The following LRP1B variants were observed in gnomAD, a reference collection of about 807,000 sequenced individuals.
LRP1B encodes the protein low-density lipoprotein receptor-related protein 1B.
In LRP1B, 217 loss-of-function variants were observed where a neutral mutation model predicts 556.6. The observed-to-expected ratio is 0.39, with a 90% CI of 0.35 to 0.44. The LOEUF is 0.44. Ranked by LOEUF, LRP1B falls within the 20% of genes least tolerant of loss-of-function variation. The pLI is 1.00. For synonymous variants in LRP1B, 2,047 were observed against 1,865.8 expected (o/e 1.10, Z -2.50); for missense variants, 5,053 against 5,620.8 (o/e 0.90, Z 3.23).
At chr2:142,125,593 G>A (rs1707612292) in intron 1 of LRP1B, among the ~76,000 whole-genome samples, 1 of 151,692 alleles carries the variant, frequency 6.6e-6, no homozygotes, top group African/African-American at 2.4e-5. Context: ...AAACTAATAA[G>A]TTTTAAAAAT....
At chr2:140,371,856 A>T (rs1377609851) in intron 69 of LRP1B, among the ~76,000 whole-genome samples, 5 of 152,060 alleles carry the variant, frequency 3.3e-5, no homozygotes, top group Non-Finnish European at 1.5e-5. Flanking sequence ...TTAAATATGA[A>T]TACATGTGTA....
At chr2:140,537,671 C>A (rs886923881) in intron 45 of LRP1B, among the ~76,000 whole-genome samples, 1 of 151,776 alleles carries the variant, frequency 6.6e-6, no homozygotes, top group Non-Finnish European at 1.5e-5. Context: ...CTATGGACTC[C>A]AGATGACCGC....
intron 37 of LRP1B, among the ~76,000 whole-genome samples, chr2:140,707,383 C>A (rs1250292433): frequency 1.3e-5 from 2 of 151,964 alleles, no homozygotes; most frequent in African/African-American, 4.8e-5. Context: ...AGTGAGTTAC[C>A]CTATCTGCAA....
At chr2:140,497,564 T>C (rs900938266) in intron 55 of LRP1B, among the ~76,000 whole-genome samples, 7 of 151,840 alleles carry the variant, frequency 4.6e-5, no homozygotes, top group Non-Finnish European at 1.0e-4. Context: ...AATCCCAGAT[T>C]GGCCTAAAAA....
At chr2:140,957,223 T>A (rs1032813599) in intron 18 of LRP1B, among the ~76,000 whole-genome samples, 9 of 151,658 alleles carry the variant, frequency 5.9e-5, no homozygotes, top group Non-Finnish European at 1.2e-4. Context: ...AAAACTGATA[T>A]GAATAATATG....
At chr2:140,969,815 T>A (rs1362776525) in intron 18 of LRP1B, among the ~76,000 whole-genome samples, 1 of 152,124 alleles carries the variant, frequency 6.6e-6, no homozygotes, top group African/African-American at 2.4e-5. Flanking sequence ...AAATCCTGGG[T>A]TGAAAATTCT....
intron 2 of LRP1B, among the ~76,000 whole-genome samples, chr2:141,763,840 TA>T (rs1313158029): frequency 6.6e-6 from 1 of 152,142 alleles, no homozygotes; most frequent in Non-Finnish European, 1.5e-5. Flanking sequence ...TATCTACATT[TA>T]GGCAAAATGA....
chr2:140,496,351 T>A (rs1688937102), intron 55 of LRP1B, among the ~76,000 whole-genome samples: 2 of 152,108 alleles, frequency 1.3e-5, no homozygotes, highest in Non-Finnish European at 2.9e-5. Context: ...ATAAGGCCAG[T>A]AGGAGATCTT....
intron 3 of LRP1B, among the ~76,000 whole-genome samples, chr2:141,341,033 A>G (rs1037588274): frequency 1.3e-5 from 2 of 152,232 alleles, no homozygotes; most frequent in Admixed American, 6.5e-5. Flanking sequence ...TAGATTTTCA[A>G]TTCTAAGATG....
intron 2 of LRP1B, among the ~76,000 whole-genome samples, chr2:141,629,028 G>A (rs1466069362): frequency 3.9e-5 from 6 of 152,230 alleles, no homozygotes; most frequent in African/African-American, 1.2e-4. Flanking sequence ...TTATCTCCAC[G>A]TATACATGAG....
chr2:141,178,043 A>G (rs1680815916), intron 7 of LRP1B, among the ~76,000 whole-genome samples: 1 of 152,138 alleles, frequency 6.6e-6, no homozygotes, highest in Admixed American at 6.6e-5. Context: ...TGTAGAAGTA[A>G]TGGGAAACAA....
intron 84 of LRP1B, among the ~76,000 whole-genome samples, chr2:140,277,419 C>A (rs1457047858): frequency 6.6e-6 from 1 of 151,800 alleles, no homozygotes; most frequent in Non-Finnish European, 1.5e-5. Flanking sequence ...AACCCCCTCT[C>A]TACTAAAAAT....
chr2:140,849,545 T>A (rs1692392554), intron 29 of LRP1B, among the ~76,000 whole-genome samples: 1 of 152,104 alleles, frequency 6.6e-6, no homozygotes, highest in Non-Finnish European at 1.5e-5. Context: ...TTTTAATTTT[T>A]ATTTTTTTGG....
chr2:140,722,259 T>C (rs529166207), intron 35 of LRP1B, among the ~76,000 whole-genome samples: 1 of 152,206 alleles, frequency 6.6e-6, no homozygotes, highest in Non-Finnish European at 1.5e-5. Context: ...TTATGTTCAA[T>C]TTCTGTCTGT....
At chr2:141,820,382 C>G (rs1574398568) in intron 1 of LRP1B, among the ~76,000 whole-genome samples, 1 of 151,784 alleles carries the variant, frequency 6.6e-6, no homozygotes, top group African/African-American at 2.4e-5. Flanking sequence ...AAAGGTAGAC[C>G]AAAAATGCTT....
At chr2:141,272,754 T>C (rs1356462150) in intron 3 of LRP1B, among the ~76,000 whole-genome samples, 2 of 151,652 alleles carry the variant, frequency 1.3e-5, no homozygotes, top group Non-Finnish European at 2.9e-5. Flanking sequence ...GGTGAATCCA[T>C]CAGAAAAAAA....
At chr2:140,784,710 G>C (rs1453217844) in intron 32 of LRP1B, among the ~76,000 whole-genome samples, 1 of 120,584 alleles carries the variant, frequency 8.3e-6, no homozygotes, top group African/African-American at 2.9e-5. Flanking sequence ...AGCTAGAGGA[G>C]GTTATAATGA....
intron 32 of LRP1B, among the ~76,000 whole-genome samples, chr2:140,777,709 C>T (rs903323785): frequency 2.0e-5 from 3 of 151,946 alleles, no homozygotes; most frequent in Admixed American, 2.0e-4. Context: ...TATCTAATAT[C>T]TAATTAACAT....
At chr2:141,261,351 G>A (rs1214442985) in intron 3 of LRP1B, among the ~76,000 whole-genome samples, 1 of 152,098 alleles carries the variant, frequency 6.6e-6, no homozygotes, top group African/African-American at 2.4e-5. Flanking sequence ...TCTATTTTTG[G>A]TATTTTAATG....
Sources: gnomAD v4.1 joint callset for allele counts (sites outside exome capture counted in the v4.1 genomes callset) on GRCh38, gnomAD v4.1.1 for gene constraint, MANE v1.5 for transcripts, NCBI Gene and HGNC (gene_info 2026-07-23, HGNC 2026-07-21) for gene names.